The following LRRIQ1 variants were observed in gnomAD, a reference collection of about 807,000 sequenced individuals.
LRRIQ1 encodes the protein leucine-rich repeat- and IQ domain-containing protein 1.
Under a neutral mutation model 211.9 loss-of-function variants are expected in LRRIQ1, and 210 were observed. The ratio of observed to expected loss-of-function variants is 0.99; its 90% CI spans 0.89 to 1.11. LRRIQ1 has a LOEUF of 1.11. LRRIQ1 is among the 50% of genes most tolerant of loss of function. The pLI, the probability that LRRIQ1 is intolerant of heterozygous loss-of-function variation, is 0.00. For missense variants in LRRIQ1, 2,136 were observed against 1,939.5 expected, an observed-to-expected ratio of 1.10 and a Z score of -1.90; for synonymous variants, 699 against 650.1, an observed-to-expected ratio of 1.08 and a Z score of -1.14.
chr12:85,062,502 C>T (rs1351307505), intron 8 of LRRIQ1, among the ~76,000 whole-genome samples: 5 of 151,410 alleles, frequency 3.3e-5, no homozygotes, highest in African/African-American at 4.8e-5. Flanking sequence ...TTTCCACTTG[C>T]AACCATGTTG....
At chr12:85,146,702 C>A (rs1484244945) in intron 19 of LRRIQ1, among the ~76,000 whole-genome samples, 1 of 151,742 alleles carries the variant, frequency 6.6e-6, no homozygotes, top group Non-Finnish European at 1.5e-5. Flanking sequence ...TTTTTCTAAT[C>A]ATTCTGTATT....
intron 11 of LRRIQ1, among the ~76,000 whole-genome samples, chr12:85,075,611 C>T (rs759199600): frequency 1.3e-5 from 2 of 151,998 alleles, no homozygotes; most frequent in African/African-American, 4.8e-5. Flanking sequence ...CCTGATGGAT[C>T]CCCCCTACCC....
At chr12:85,042,705 A>T (rs1253835018) in intron 3 of LRRIQ1, among the ~76,000 whole-genome samples, 1 of 151,688 alleles carries the variant, frequency 6.6e-6, no homozygotes, top group African/African-American at 2.4e-5. Context: ...AAAACAAATT[A>T]TCAAAATTAT....
At chr12:85,149,284 G>T (rs899446909) in intron 19 of LRRIQ1, among the ~76,000 whole-genome samples, 12 of 151,896 alleles carry the variant, frequency 7.9e-5, no homozygotes, top group African/African-American at 2.4e-4. Flanking sequence ...ATGATTCGAG[G>T]TTTCACATTT....
At chr12:85,170,761 T>C (rs960971670) in intron 24 of LRRIQ1, among the ~76,000 whole-genome samples, 1 of 151,944 alleles carries the variant, frequency 6.6e-6, no homozygotes, top group Non-Finnish European at 1.5e-5. Context: ...AAATTTTTGT[T>C]TTAAAAATTT....
chr12:85,210,916 A>G (rs1364009291), intron 24 of LRRIQ1, among the ~76,000 whole-genome samples: 2 of 152,230 alleles, frequency 1.3e-5, no homozygotes, highest in South Asian at 2.1e-4. Flanking sequence ...ACAAGCAATT[A>G]TAAAATATTT....
rs1356510327 is a variant in LRRIQ1 at position 85,160,675 on chromosome 12, C to T, written c.4783C>T (p.Pro1595Ser). 6.2e-7 allele frequency: 1 copy of T among 1,610,378 alleles called. No individual in the cohort carries two copies. The highest frequency in any genetic ancestry group is 2.2e-5 in the East Asian group (1 of 44,688). The change falls in exon 24 of 27, where the codon CCA (proline) becomes TCA (serine). Residue 1595 changes from proline to serine, a missense_variant. Coordinates refer to ENST00000393217, the MANE Select transcript of LRRIQ1 (RefSeq NM_001079910.2). ...NENKVSLPKS[P>S]KMVQPRRDGY... Reference sequence around the variant, plus strand: ...AAATAAAGTGTCTCTTCCAAAATCACCAAAGATGGTACAGCCCAGAAGAGA... The same window carrying T: ...AAATAAAGTGTCTCTTCCAAAATCATCAAAGATGGTACAGCCCAGAAGAGA...
chr12:85,257,052 A>AAT, intron 1 of LRRIQ1, among the ~76,000 whole-genome samples: 2 of 118,826 alleles, frequency 1.7e-5, no homozygotes, highest in African/African-American at 3.2e-5. Context: ...ATAATTATAT[A>AAT]TATAATTATA....
chr12:85,272,496 T>C, the LRRIQ1 span, among the ~76,000 whole-genome samples: 2 of 152,268 alleles, frequency 1.3e-5, no homozygotes, highest in South Asian at 4.1e-4. Flanking sequence ...ACAAGTCCTT[T>C]TTAAATACTT....
intron 2 of LRRIQ1, among the ~76,000 whole-genome samples, chr12:85,039,331 T>C (rs897970873): frequency 3.3e-5 from 5 of 151,616 alleles, no homozygotes; most frequent in Non-Finnish European, 7.4e-5. Context: ...TAACTAAGGA[T>C]TTACAGATTA....
chr12:85,096,104 A>T (rs901321443), intron 11 of LRRIQ1, among the ~76,000 whole-genome samples: 6 of 152,122 alleles, frequency 3.9e-5, no homozygotes, highest in Admixed American at 2.0e-4. Flanking sequence ...ATCCTTTCAA[A>T]GAAAGAGCTT....
intron 3 of LRRIQ1, among the ~76,000 whole-genome samples, chr12:85,041,013 A>C (rs2135876217): frequency 6.6e-6 from 1 of 151,810 alleles, no homozygotes; most frequent in East Asian, 1.9e-4. Flanking sequence ...GAATTGTTCT[A>C]AGACTAATGG....
intron 24 of LRRIQ1, among the ~76,000 whole-genome samples, chr12:85,177,854 A>C (rs956963533): frequency 2.0e-5 from 3 of 152,134 alleles, no homozygotes; most frequent in African/African-American, 7.2e-5. Flanking sequence ...GTGGTTCAGC[A>C]CAGAGATGGT....
At chr12:85,124,000 A>G (rs1888171739) in intron 16 of LRRIQ1, 70 bp from the exon 17 acceptor site, 3 of 1,209,410 alleles carry the variant, frequency 2.5e-6, no homozygotes, top group Non-Finnish European at 3.5e-6. Flanking sequence ...TGAAATTTTC[A>G]AAACTTGCAC....
rs570062262 is a variant in LRRIQ1 at position 85,220,099 on chromosome 12, A to G, written c.4823-9418A>G. Among the ~76,000 whole-genome samples, 9 of 152,296 alleles carry G rather than the reference A, an allele frequency of 5.9e-5. No homozygotes were observed. The East Asian group carries it at 1.2e-3, about 20-fold the overall frequency. On this transcript the variant is annotated intron_variant, in intron 24 of 26. Coordinates refer to ENST00000393217, the MANE Select transcript of LRRIQ1 (RefSeq NM_001079910.2). The stretch of plus-strand genomic sequence containing the variant: ...TTTTAGTATTGCCGACATAAGATAC[A>G]TAGAATCAGCCATTTATCAAAGTTA...
intron 4 of LRRIQ1, 140 bp from the exon 5 acceptor site, chr12:85,045,880 G>A (rs1879486857): frequency 4.5e-6 from 2 of 444,426 alleles, no homozygotes; most frequent in Non-Finnish European, 7.9e-6. Context: ...TCAATGTGCT[G>A]CAGATTTGTA....
intron 11 of LRRIQ1, among the ~76,000 whole-genome samples, chr12:85,073,787 C>T (rs1302040330): frequency 6.6e-6 from 1 of 152,004 alleles, no homozygotes; most frequent in Non-Finnish European, 1.5e-5. Flanking sequence ...AGTAGATTTT[C>T]TGAAGAGCAG....
At chr12:85,224,480 A>G (rs372302042) in intron 24 of LRRIQ1, among the ~76,000 whole-genome samples, 132 of 152,280 alleles carry the variant, frequency 8.7e-4, no homozygotes, top group African/African-American at 3.1e-3. Context: ...GACTGAAGTC[A>G]ACCCAAATGC....
chr12:85,139,667 T>C (rs776464007), intron 19 of LRRIQ1, among the ~76,000 whole-genome samples: 3 of 151,404 alleles, frequency 2.0e-5, no homozygotes, highest in Non-Finnish European at 4.4e-5. Flanking sequence ...TGTGAAAATA[T>C]TATCAATAAG....
Sources: gnomAD v4.1 joint callset for allele counts (sites outside exome capture counted in the v4.1 genomes callset) on GRCh38, gnomAD v4.1.1 for gene constraint, MANE v1.5 for transcripts, NCBI Gene and HGNC (gene_info 2026-07-23, HGNC 2026-07-21) for gene names.